The following RCAN1 variants were observed in gnomAD, a reference collection of about 807,000 sequenced individuals.
RCAN1 encodes the protein regulator of calcineurin 1, also known as calcipressin-1.
RCAN1 carries 11 observed loss-of-function variants against 22.9 expected under a neutral mutation model. The ratio of observed to expected loss-of-function variants is 0.48; its 90% CI spans 0.30 to 0.79. The LOEUF (loss-of-function observed/expected upper bound fraction) is 0.79. RCAN1 is among the 30% of genes least tolerant of loss of function. RCAN1 has a pLI of 0.06. For missense variants in RCAN1, 291 were observed against 337.8 expected, an observed-to-expected ratio of 0.86 and a Z score of 1.09; for synonymous variants, 136 against 142.3, an observed-to-expected ratio of 0.96 and a Z score of 0.32.
chr21:34,557,643 A>C (rs1276285797), intron 1 of RCAN1, among the ~76,000 whole-genome samples: 1 of 152,202 alleles, frequency 6.6e-6, no homozygotes, highest in Non-Finnish European at 1.5e-5. Context: ...ATTTGAGACA[A>C]TTTTTTAAAA....
intron 1 of RCAN1, among the ~76,000 whole-genome samples, chr21:34,558,633 AACG>A (rs59367177): frequency 0.24 from 36,611 of 152,018 alleles, 5,098 homozygotes; most frequent in African/African-American, 0.39. Context: ...CAAACAACTT[AACG>A]TATTTCCTAA....
intron 3 of RCAN1, among the ~76,000 whole-genome samples, chr21:34,519,764 G>A (rs763326389): frequency 3.3e-5 from 5 of 152,056 alleles, no homozygotes; most frequent in Non-Finnish European, 5.9e-5. Context: ...TGTGATTTCC[G>A]CCCGACAAGA....
At chr21:34,541,937 A>C (rs990560019) in intron 1 of RCAN1, among the ~76,000 whole-genome samples, 1 of 152,220 alleles carries the variant, frequency 6.6e-6, no homozygotes, top group Non-Finnish European at 1.5e-5. Context: ...CCATCTCAAA[A>C]AAAATAAAAT....
intron 1 of RCAN1, among the ~76,000 whole-genome samples, chr21:34,548,775 A>C (rs1158188357): frequency 1.3e-5 from 2 of 152,248 alleles, no homozygotes; most frequent in Non-Finnish European, 2.9e-5. Context: ...AGTTTAGTTC[A>C]AAATATGCCG....
chr21:34,598,814 T>A (rs943221747), intron 1 of RCAN1, among the ~76,000 whole-genome samples: 1 of 152,196 alleles, frequency 6.6e-6, no homozygotes, highest in African/African-American at 2.4e-5. Context: ...GTACAGACGA[T>A]AAACTCACCA....
chr21:34,527,989 G>T (rs529077802), intron 1 of RCAN1, among the ~76,000 whole-genome samples: 2 of 152,258 alleles, frequency 1.3e-5, no homozygotes, highest in Non-Finnish European at 2.9e-5. Context: ...CTTTCAAAAG[G>T]TTGCAACTCT....
intron 1 of RCAN1, among the ~76,000 whole-genome samples, chr21:34,599,402 A>T (rs1488227328): frequency 6.6e-6 from 1 of 152,034 alleles, no homozygotes; most frequent in Non-Finnish European, 1.5e-5. Flanking sequence ...TGAACCCGGG[A>T]GGTGGAGGTT....
chr21:34,580,115 G>C (rs1035601806), intron 1 of RCAN1, among the ~76,000 whole-genome samples: 1 of 152,182 alleles, frequency 6.6e-6, no homozygotes, highest in Non-Finnish European at 1.5e-5. Flanking sequence ...AAATAAAAAA[G>C]AGCCCAACCA....
intron 1 of RCAN1, among the ~76,000 whole-genome samples, chr21:34,574,117 C>T (rs191148931): frequency 5.3e-5 from 8 of 152,324 alleles, no homozygotes; most frequent in Admixed American, 1.3e-4. Context: ...CATGTGAAGA[C>T]ACATCCACAA....
At chr21:34,570,138 G>C (rs867348527) in intron 1 of RCAN1, among the ~76,000 whole-genome samples, 13 of 152,236 alleles carry the variant, frequency 8.5e-5, no homozygotes. Flanking sequence ...TGTTCAATAA[G>C]TGTAGTAACT....
chr21:34,562,491 A>G (rs1345602461), intron 1 of RCAN1, among the ~76,000 whole-genome samples: 1 of 152,212 alleles, frequency 6.6e-6, no homozygotes, highest in East Asian at 1.9e-4. Context: ...AGCAGAGGCG[A>G]CATGGGTGGT....
At chr21:34,555,922 G>A (rs1365622678) in intron 1 of RCAN1, among the ~76,000 whole-genome samples, 1 of 151,718 alleles carries the variant, frequency 6.6e-6, no homozygotes, top group Non-Finnish European at 1.5e-5. Context: ...AATTAGCCGG[G>A]CATGGTGGCG....
Position 34,526,944 on chromosome 21 carries a change from T to A in RCAN1, c.253-3234A>T, listed in dbSNP as rs892778515. 28 of 1,390,106 alleles carry A rather than the reference T, an allele frequency of 2.0e-5. No individual in the cohort carries two copies. The East Asian group carries it at 7.9e-4, about 39-fold the overall frequency. 86.1% of individuals were successfully genotyped at this position (1,390,106 alleles called of 1,614,324 possible). ...GACAGCAAATTCCTGAGTCAAGTCC[T>A]GCATGCTTGCAGGCAGACAGGGACA... On this transcript the variant is annotated intron_variant, in intron 1 of 3. Transcript: ENST00000313806.
intron 1 of RCAN1, chr21:34,613,688 C>T (rs1988738830): frequency 7.4e-7 from 1 of 1,360,054 alleles, no homozygotes. Flanking sequence ...ACAATTGCTG[C>T]TCTAGAAAGC....
At chr21:34,560,620 A>C (rs1568909370) in intron 1 of RCAN1, among the ~76,000 whole-genome samples, 1 of 152,216 alleles carries the variant, frequency 6.6e-6, no homozygotes, top group Non-Finnish European at 1.5e-5. Context: ...CCATTTCTCA[A>C]TTCTTTAATA....
At chr21:34,598,597 CTACTCCTA>C (rs1988236223) in intron 1 of RCAN1, among the ~76,000 whole-genome samples, 2 of 152,138 alleles carry the variant, frequency 1.3e-5, no homozygotes, top group African/African-American at 4.8e-5. Flanking sequence ...AGAAGAAAAC[CTACTCCTA>C]TACATCTTGG....
At chr21:34,552,760 C>G (rs553439900) in intron 1 of RCAN1, among the ~76,000 whole-genome samples, 131 of 152,098 alleles carry the variant, frequency 8.6e-4, no homozygotes, top group African/African-American at 3.1e-3. Context: ...TAATAAAAGA[C>G]AGTGAGGAGG....
At chr21:34,528,622 C>T (rs1333031848) in intron 1 of RCAN1, among the ~76,000 whole-genome samples, 1 of 152,170 alleles carries the variant, frequency 6.6e-6, no homozygotes, top group African/African-American at 2.4e-5. Context: ...TAAGGGGAAA[C>T]AGAGGTGAGG....
intron 1 of RCAN1, among the ~76,000 whole-genome samples, chr21:34,532,331 C>A (rs1368195606): frequency 6.6e-6 from 1 of 152,174 alleles, no homozygotes; most frequent in African/African-American, 2.4e-5. Context: ...AGAAACCTGA[C>A]CCAAATTTGG....
Sources: gnomAD v4.1 joint callset for allele counts (sites outside exome capture counted in the v4.1 genomes callset) on GRCh38, gnomAD v4.1.1 for gene constraint, MANE v1.5 for transcripts, NCBI Gene and HGNC (gene_info 2026-07-23, HGNC 2026-07-21) for gene names.